The following ATP2A1 variants were observed in gnomAD, a reference collection of about 807,000 sequenced individuals.
ATP2A1 encodes the protein sarcoplasmic/endoplasmic reticulum calcium ATPase 1.
ATP2A1 carries 83 observed loss-of-function variants against 109.5 expected under a neutral mutation model. The ratio of observed to expected loss-of-function variants is 0.76; its 90% CI spans 0.63 to 0.91. The LOEUF is 0.91. Ranked by LOEUF, ATP2A1 falls within the 40% of genes least tolerant of loss-of-function variation. The pLI is 0.00. For missense variants in ATP2A1, 1,101 were observed against 1,341.0 expected, an observed-to-expected ratio of 0.82 and a Z score of 2.80; for synonymous variants, 505 against 537.6, an observed-to-expected ratio of 0.94 and a Z score of 0.84.
rs1963537686 is a variant in ATP2A1, at chr16:28,883,288, G to A, written c.463+699G>A. Among the ~76,000 whole-genome samples the A allele has an allele frequency of 6.6e-6, 1 of 152,232 alleles. No homozygotes were observed. The highest frequency in any genetic ancestry group is 2.4e-5 in the African/African-American group (1 of 41,460). On this transcript the variant is annotated intron_variant, in intron 5 of 22. Transcript: ENST00000395503. The surrounding 1 kb of genome is among the most constrained non-coding windows in gnomAD (Gnocchi z 5.2). Reference sequence around the variant, plus strand: ...CTCTTCAGAGGCCTCCTTCCCTGTAGCAGACATCCGAATCACCACCCCAGG... The same window carrying A: ...CTCTTCAGAGGCCTCCTTCCCTGTAACAGACATCCGAATCACCACCCCAGG...
chr16:28,884,790 T>A lies in ATP2A1; in HGVS notation c.544+135T>A, dbSNP rs541061908. 261 of 832,962 alleles carry A rather than the reference T, an allele frequency of 3.1e-4. 1 individual carries two copies. In the African/African-American group the frequency reaches 4.1e-3, roughly 13 times the overall value. 51.6% of individuals were successfully genotyped at this position (832,962 alleles called of 1,614,324 possible). ...AAGAGACCCTGTCTCTACAAAAAAA[T>A]TTTAAAAACTAGCTGAGCATGTTGT... On this transcript the variant is annotated intron_variant, in intron 6 of 22. Transcript: ENST00000395503.
chr16:28,887,879 C>T (rs1214715028), intron 8 of ATP2A1, among the ~76,000 whole-genome samples, 157 bp downstream of exon 8: 1 of 152,166 alleles, frequency 6.6e-6, no homozygotes. Context: ...CGGCTCACTG[C>T]AAGCTCCGCC....
intron 4 of ATP2A1, chr16:28,881,398 C>T (rs1248667905): frequency 6.2e-6 from 2 of 323,080 alleles, no homozygotes; most frequent in Non-Finnish European, 1.2e-5. Flanking sequence ...CTGTCCTCTG[C>T]TTCCTGGTTT....
In ATP2A1 at chr16:28,884,509, G is replaced by A. The variant is rs1000899556; in HGVS notation, c.464-66G>A. The A allele has an allele frequency of 4.1e-6, 6 of 1,472,994 alleles. No homozygotes were observed. In the African/African-American group the frequency reaches 6.9e-5, roughly 17 times the overall value. The allele number at this position is 1,472,994 out of a possible 1,614,324, so 91.2% of individuals were successfully genotyped here. ...GGAGAACGAGTCAGACACAGATTGG[G>A]TTTTTCTTTGGAAGGAAGAAAATTC... On this transcript the variant is annotated intron_variant, in intron 5 of 22. Transcript: ENST00000395503.
chr16:28,878,713 C>A lies in ATP2A1; in HGVS notation c.42C>A (p.Ala14=). 1 of 1,611,952 alleles carries A rather than the reference C, an allele frequency of 6.2e-7. No individual in the cohort carries two copies. ...CTAAAACCACGGAGGAATGTTTGGC[C>A]TATTTTGGGGTGAGTGAGACCACGG... ...AHAKTTEECL[A]YFGVSETTGL... Residue 14 remains alanine, a synonymous_variant, in exon 1 of 23, where the codon GCC becomes GCA. Coordinates refer to ENST00000395503, the MANE Select transcript of ATP2A1 (RefSeq NM_004320.6).
At chr16:28,884,225 A>G (rs953543130) in intron 5 of ATP2A1, among the ~76,000 whole-genome samples, 1 of 151,998 alleles carries the variant, frequency 6.6e-6, no homozygotes, top group Non-Finnish European at 1.5e-5. Context: ...TTTCCCCTCC[A>G]GTCATTCAGT....
chr16:28,878,499 C>A lies in ATP2A1; in HGVS notation c.-173C>A. ...GGGGGCCGGGGGGTGGCCGGCTGCT[C>A]AAGTGGGACGGGGGTCAGAGCTTTG... is the stretch of plus-strand genomic sequence containing the variant. On this transcript the variant is annotated 5_prime_UTR_variant, in exon 1 of 23. Transcript: ENST00000395503. 1.5e-6 allele frequency: 1 copy of A among 678,270 alleles called. No homozygotes were observed. The highest frequency in any genetic ancestry group is 2.6e-6 in the Non-Finnish European group (1 of 382,608). The allele number at this position is 678,270 out of a possible 1,614,324, so 42.0% of individuals were successfully genotyped here. A position where few individuals can be genotyped will look rare whatever the true frequency, so the allele number is the denominator to read the frequency against.
At position 28,888,878 on chromosome 16, in the gene ATP2A1, G is replaced by C; in HGVS notation, c.1020G>C (p.Glu340Asp). 1 of 1,614,112 alleles carries C rather than the reference G, an allele frequency of 6.2e-7. No individual in the cohort carries two copies. Among genetic ancestry groups the C allele is most frequent in the Non-Finnish European group, 8.5e-7 (1 of 1,180,018 alleles). Residue 340 changes from glutamate (E) to aspartate (D), a missense_variant, in exon 9 of 23, where the codon GAG (glutamate) becomes GAC (aspartate). Physicochemically the swap from Glu to Asp is conservative, Grantham distance 45. Transcript: ENST00000395503. ...TTGTAAGAAGCTTGCCCTCCGTAGA[G>C]ACCCTGGGCTGCACCTCTGTCATCT... ...NAIVRSLPSV[E>D]TLGCTSVICS...
In ATP2A1 at chr16:28,879,387, G is replaced by A. The variant is rs1051417985; in HGVS notation, c.137-114G>A. 1.5e-5 allele frequency: 16 copies of A among 1,056,252 alleles called. No individual in the cohort carries two copies. In the Admixed American group the frequency reaches 2.6e-4, roughly 17 times the overall value. The allele number at this position is 1,056,252 out of a possible 1,614,324, so 65.4% of individuals were successfully genotyped here. On this transcript the variant is annotated intron_variant, in intron 2 of 22. Coordinates refer to ENST00000395503, the MANE Select transcript of ATP2A1 (RefSeq NM_004320.6). ...TTAGCCCTTCTCTGGGCACCAAGCT[G>A]TCTGCCCACCACCCTAGAGCCTCCC...
At position 28,887,318 on chromosome 16, in the gene ATP2A1, G is replaced by A. The variant is rs750581339; in HGVS notation, c.630+44G>A. 2.5e-6 allele frequency: 4 copies of A among 1,613,254 alleles called. No homozygotes were observed. The Admixed American group carries it at 6.7e-5, about 27-fold the overall frequency. On this transcript the variant is annotated intron_variant, in intron 7 of 22. Transcript: ENST00000395503. Reference sequence around the variant, plus strand: ...GCCATCACACACTCAGTCAAGCCAGGTGCCCGGGTTGGAGAGAAACATGGC... The same window carrying A: ...GCCATCACACACTCAGTCAAGCCAGATGCCCGGGTTGGAGAGAAACATGGC...
Position 28,885,352 on chromosome 16 carries a change from C to CT in ATP2A1, c.544+707dup, listed in dbSNP as rs1294637424. On this transcript the variant is annotated intron_variant, in intron 6 of 22. Coordinates refer to ENST00000395503, the MANE Select transcript of ATP2A1 (RefSeq NM_004320.6). ...CAGTGGCAGCACTGCTTGACATTTT[C>CT]TTTTTTTTTTGAGATGGAGTCTTGC... Among the ~76,000 whole-genome samples, 951 of 148,214 alleles carry CT rather than the reference C, an allele frequency of 6.4e-3. 9 individuals carry two copies. Among genetic ancestry groups the CT allele is most frequent in the African/African-American group, 0.022 (886 of 40,578 alleles).
Position 28,903,659 on chromosome 16 carries a change from C to T in ATP2A1, c.2981-41C>T, listed in dbSNP as rs1156616524. 2 of 1,582,572 alleles carry T rather than the reference C, an allele frequency of 1.3e-6. No individual in the cohort carries two copies. The highest frequency in any genetic ancestry group is 1.7e-6 in the Non-Finnish European group (2 of 1,151,414). ...GCCCCTATAGCCCCCATGCCACCTC[C>T]CTGCCTTGATAACAGTGCCTCTTGT... On this transcript the variant is annotated intron_variant, in intron 21 of 22. Coordinates refer to ENST00000395503, the MANE Select transcript of ATP2A1 (RefSeq NM_004320.6). The surrounding 1 kb of genome is among the most constrained non-coding windows in gnomAD (Gnocchi z 5.6).
chr16:28,882,734 A>G, intron 5 of ATP2A1, 145 bp downstream of exon 5: 1 of 1,314,106 alleles, frequency 7.6e-7, no homozygotes, highest in Non-Finnish European at 1.0e-6. Context: ...AGGTCATCCC[A>G]GGCCACTCCG....
At position 28,894,914 on chromosome 16, in the gene ATP2A1, A is replaced by T; in HGVS notation, c.1380A>T (p.Arg460Ser). The change falls in exon 12 of 23, where the codon AGA becomes AGT. Residue 460 changes from arginine to serine, a missense_variant. Coordinates refer to ENST00000395503, the MANE Select transcript of ATP2A1 (RefSeq NM_004320.6). ...TGAATGTGTTCAACACGGATGTGAG[A>T]AGCCTCTCGAAGGTGGAGAGAGCCA... ...EKMNVFNTDV[R>S]SLSKVERANA... 1 of 1,612,396 alleles carries T rather than the reference A, an allele frequency of 6.2e-7. No homozygotes were observed. The highest frequency in any genetic ancestry group is 2.2e-5 in the East Asian group (1 of 44,852).
In ATP2A1 at chr16:28,903,572, TC is replaced by T. The variant is rs1324010309; in HGVS notation, c.2981-123del. 4 of 1,202,740 alleles carry T rather than the reference TC, an allele frequency of 3.3e-6. No individual in the cohort carries two copies. In the South Asian group the frequency reaches 3.6e-5, roughly 11 times the overall value. 74.5% of individuals were successfully genotyped at this position (1,202,740 alleles called of 1,614,324 possible). On this transcript the variant is annotated intron_variant, in intron 21 of 22. Transcript: ENST00000395503. This position sits in a 1 kb window ranked among gnomAD's most constrained non-coding sequence, Gnocchi z 5.6. Reference sequence around the variant, plus strand: ...CTGGCAGGACCTGTGTCCGCCCCGTTCCCCCTGCGCCTGCAGGGGCCACATC... The same window carrying T: ...CTGGCAGGACCTGTGTCCGCCCCGTTCCCCTGCGCCTGCAGGGGCCACATC...
At position 28,900,828 on chromosome 16, in the gene ATP2A1, G is replaced by A. The variant is rs200834922; in HGVS notation, c.2012G>A (p.Arg671Gln). ...LPLAEQREAC[R>Q]RACCFARVEP... ...CTGGCTGAACAGCGGGAAGCCTGCC[G>A]ACGTGCCTGCTGCTTCGCCCGTGTG... Residue 671 changes from arginine to glutamine, a missense_variant, in exon 15 of 23, where the codon CGA becomes CAA. Arg to Gln is a conservative substitution (Grantham distance 43). Coordinates refer to ENST00000395503, the MANE Select transcript of ATP2A1 (RefSeq NM_004320.6). 20 of 1,614,098 alleles carry A rather than the reference G, an allele frequency of 1.2e-5. No individual in the cohort carries two copies. The highest frequency in any genetic ancestry group is 6.7e-5 in the East Asian group (3 of 44,890).
chr16:28,885,331 G>T (rs1239754332), intron 6 of ATP2A1, among the ~76,000 whole-genome samples: 1 of 151,496 alleles, frequency 6.6e-6, no homozygotes, highest in Non-Finnish European at 1.5e-5. Flanking sequence ...CTGTGGCAGT[G>T]GCAGCACTGC....
intron 4 of ATP2A1, among the ~76,000 whole-genome samples, chr16:28,882,002 A>G (rs1328755343): frequency 6.7e-6 from 1 of 150,236 alleles, no homozygotes; most frequent in African/African-American, 2.5e-5. Flanking sequence ...CAGTGGCGTA[A>G]TCTCATCTCA....
chr16:28,902,010 G>A lies in ATP2A1; in HGVS notation c.2248G>A (p.Gly750Ser). ...CACCATCGTAGCTGCTGTGGAGGAG[G>A]GCCGCGCCATCTACAACAACATGAA... is the stretch of plus-strand genomic sequence containing the variant. ...FSTIVAAVEE[G>S]RAIYNNMKQF... Residue 750 changes from glycine (G) to serine (S), a missense_variant, in exon 16 of 23, where the codon GGC becomes AGC. Gly to Ser is a moderately conservative substitution (Grantham distance 56). Coordinates refer to ENST00000395503, the MANE Select transcript of ATP2A1 (RefSeq NM_004320.6). The surrounding 1 kb of genome is among the most constrained non-coding windows in gnomAD (Gnocchi z 4.8). 1 of 1,614,200 alleles carries A rather than the reference G, an allele frequency of 6.2e-7. No homozygotes were observed. The highest frequency in any genetic ancestry group is 8.5e-7 in the Non-Finnish European group (1 of 1,180,028).
Sources: allele counts gnomAD v4.1 joint callset (sites outside exome capture counted in the v4.1 genomes callset), GRCh38; gene constraint gnomAD v4.1.1; non-coding constraint Gnocchi (gnomAD v3.1); transcripts MANE v1.5; gene names NCBI Gene and HGNC (gene_info 2026-07-23, HGNC 2026-07-21).